The following UBE3D variants were observed in gnomAD, a reference collection of about 807,000 sequenced individuals.
The protein encoded by UBE3D is E3 ubiquitin-protein ligase E3D.
In UBE3D, 48 loss-of-function variants were observed where a neutral mutation model predicts 49.6. The ratio of observed to expected loss-of-function variants is 0.97; its 90% CI spans 0.77 to 1.23. UBE3D has a LOEUF of 1.23. Ranked by LOEUF, UBE3D falls within the 50% of genes most tolerant of loss-of-function variation. The pLI is 0.00. For synonymous variants in UBE3D, 189 were observed against 174.2 expected (o/e 1.08, Z -0.67); for missense variants, 452 against 468.4 (o/e 0.96, Z 0.32).
At chr6:82,903,503 C>T (rs1356876416) in intron 9 of UBE3D, among the ~76,000 whole-genome samples, 1 of 151,994 alleles carries the variant, frequency 6.6e-6, no homozygotes. Context: ...AAGCTGGATA[C>T]GTCACAGTAG....
chr6:82,974,610 A>C (rs1250788967), intron 8 of UBE3D, among the ~76,000 whole-genome samples: 1 of 151,878 alleles, frequency 6.6e-6, no homozygotes, highest in Non-Finnish European at 1.5e-5. Flanking sequence ...TAATCCTCTG[A>C]TGAGGAAACT....
chr6:82,962,606 A>G (rs2127781468), intron 8 of UBE3D, among the ~76,000 whole-genome samples: 1 of 152,358 alleles, frequency 6.6e-6, no homozygotes, highest in East Asian at 1.9e-4. Flanking sequence ...TAAATCCAAC[A>G]TTGGCATTTT....
chr6:82,966,285 G>C (rs918446649), intron 8 of UBE3D, among the ~76,000 whole-genome samples: 1 of 152,142 alleles, frequency 6.6e-6, no homozygotes, highest in African/African-American at 2.4e-5. Flanking sequence ...AGTGGGCAGA[G>C]TTTCATTTTA....
chr6:82,984,879 T>G (rs1343220324), intron 8 of UBE3D, among the ~76,000 whole-genome samples: 1 of 151,956 alleles, frequency 6.6e-6, no homozygotes, highest in East Asian at 1.9e-4. Flanking sequence ...GTGGTGATTA[T>G]GGCTCCCTAA....
intron 5 of UBE3D, chr6:83,036,476 T>C (rs1163557284): frequency 6.6e-6 from 1 of 152,166 alleles, no homozygotes; most frequent in Non-Finnish European, 1.5e-5. Context: ...AGTTTATTTC[T>C]TCAAGGGCAT....
At chr6:83,042,848 C>G (rs564847340) in intron 4 of UBE3D, among the ~76,000 whole-genome samples, 1 of 152,310 alleles carries the variant, frequency 6.6e-6, no homozygotes, top group Non-Finnish European at 1.5e-5. Context: ...CACAGAACAG[C>G]CTTGTTCCCA....
intron 8 of UBE3D, among the ~76,000 whole-genome samples, chr6:83,006,169 G>C (rs191566597): frequency 1.3e-5 from 2 of 152,138 alleles, no homozygotes; most frequent in Admixed American, 1.3e-4. Flanking sequence ...AGGTTGCAGT[G>C]AGCAGAGATA....
At position 82,907,102 on chromosome 6, in the gene UBE3D, C is replaced by T. The variant is rs530142655; in HGVS notation, c.1150-14060G>A. 2.0e-5 allele frequency among the ~76,000 whole-genome samples: 3 copies of T among 152,220 alleles called. 1 individual carries two copies. The highest frequency in any genetic ancestry group is 4.1e-4 in the South Asian group (2 of 4,830). The stretch of plus-strand genomic sequence containing the variant: ...TGGAGGGAGGAGTGAGAAATAACTG[C>T]TTCCAGAAAAAGGCTCACCACAAAA... On this transcript the variant is annotated intron_variant, in intron 9 of 9. Transcript: ENST00000369747.
chr6:83,032,205 A>C (rs1781926210), intron 5 of UBE3D: 1 of 456,132 alleles, frequency 2.2e-6, no homozygotes, highest in Non-Finnish European at 4.4e-6. Context: ...ACAGTACCTC[A>C]ACACCAGCCC....
intron 9 of UBE3D, among the ~76,000 whole-genome samples, chr6:82,936,315 A>G (rs565105406): frequency 1.2e-4 from 18 of 152,322 alleles, no homozygotes; most frequent in African/African-American, 4.3e-4. Flanking sequence ...GATTTCTGCT[A>G]AAAACATTAG....
intron 9 of UBE3D, among the ~76,000 whole-genome samples, chr6:82,924,365 G>C (rs1001707300): frequency 6.6e-6 from 1 of 152,096 alleles, no homozygotes; most frequent in Non-Finnish European, 1.5e-5. Flanking sequence ...TCAGAGTTTT[G>C]ATTTAGGAAA....
At chr6:82,992,608 C>T (rs1778970691) in intron 8 of UBE3D, among the ~76,000 whole-genome samples, 1 of 152,100 alleles carries the variant, frequency 6.6e-6, no homozygotes, top group African/African-American at 2.4e-5. Context: ...TAGATGATAG[C>T]TTTGGAATGA....
intron 9 of UBE3D, among the ~76,000 whole-genome samples, chr6:82,920,241 T>G (rs1773227633): frequency 6.6e-6 from 1 of 152,212 alleles, no homozygotes; most frequent in African/African-American, 2.4e-5. Flanking sequence ...GTTTCTCTTC[T>G]TATCCAGGCT....
chr6:83,000,480 A>G (rs1249045413), intron 8 of UBE3D, among the ~76,000 whole-genome samples: 1 of 152,226 alleles, frequency 6.6e-6, no homozygotes, highest in Non-Finnish European at 1.5e-5. Flanking sequence ...GGTCCAAACT[A>G]AAATAATTTC....
intron 9 of UBE3D, among the ~76,000 whole-genome samples, chr6:82,951,163 C>T (rs975476042): frequency 3.9e-5 from 6 of 152,052 alleles, no homozygotes; most frequent in Non-Finnish European, 7.4e-5. Context: ...CCATATTTAC[C>T]CTTATGTGCT....
intron 9 of UBE3D, among the ~76,000 whole-genome samples, chr6:82,929,508 G>A (rs948126341): frequency 1.3e-5 from 2 of 151,808 alleles, no homozygotes; most frequent in Non-Finnish European, 2.9e-5. Flanking sequence ...TCTTTCTAAA[G>A]ATGCCCTTTT....
chr6:82,890,648 C>T (rs1582253827), downstream of UBE3D, among the ~76,000 whole-genome samples: 1 of 152,322 alleles, frequency 6.6e-6, no homozygotes, highest in East Asian at 1.9e-4. Context: ...CACCTCCACT[C>T]CCCACACTAT....
intron 8 of UBE3D, among the ~76,000 whole-genome samples, chr6:82,998,684 C>G (rs1779410704): frequency 6.6e-6 from 1 of 152,082 alleles, no homozygotes; most frequent in Admixed American, 6.6e-5. Context: ...TAATTAAAAG[C>G]TTTCTCTTCT....
At chr6:83,020,649 C>T (rs1019724817) in intron 7 of UBE3D, among the ~76,000 whole-genome samples, 11 of 152,130 alleles carry the variant, frequency 7.2e-5, no homozygotes, top group South Asian at 4.1e-4. Flanking sequence ...AAACTGATTT[C>T]AGAAAACTGT....
Sources: allele counts gnomAD v4.1 joint callset (sites outside exome capture counted in the v4.1 genomes callset), GRCh38; gene constraint gnomAD v4.1.1; transcripts MANE v1.5; gene names NCBI Gene and HGNC (gene_info 2026-07-23, HGNC 2026-07-21).